The following TRIM9 variants were observed in gnomAD, a reference collection of about 807,000 sequenced individuals.
The protein encoded by TRIM9 is tripartite motif containing 9.
A neutral mutation model predicts 78.3 loss-of-function variants in TRIM9; 26 were observed. The observed-to-expected ratio is 0.33, with a 90% CI of 0.24 to 0.46. TRIM9 has a LOEUF of 0.46. TRIM9 is among the 20% of genes least tolerant of loss of function. The probability of loss-of-function intolerance (pLI) is 1.00; values close to 1 mark genes in which losing one functional copy is unlikely to be tolerated. For missense variants in TRIM9, 787 were observed against 1,036.4 expected, an observed-to-expected ratio of 0.76 and a Z score of 3.30; for synonymous variants, 398 against 416.5, an observed-to-expected ratio of 0.96 and a Z score of 0.54.
intron 3 of TRIM9, among the ~76,000 whole-genome samples, chr14:51,012,082 A>G (rs1398643357): frequency 6.6e-6 from 1 of 152,230 alleles, no homozygotes; most frequent in Non-Finnish European, 1.5e-5. Context: ...TATACACAGC[A>G]TGACATTTTC....
Position 50,979,367 on chromosome 14 carries a change from C to T in TRIM9, c.2325+20G>A, listed in dbSNP as rs2051515234. 4 of 1,614,088 alleles carry T rather than the reference C, an allele frequency of 2.5e-6. No individual in the cohort carries two copies. In the African/African-American group the frequency reaches 5.3e-5, roughly 22 times the overall value. ...CGGTAGCCAGCAACAGCTGTTTAAC[C>T]TCAGGGGCAGGGTGCTTACCTGCAC... On this transcript the variant is annotated intron_variant, in intron 12 of 12. Transcript: ENST00000684578.
intron 1 of TRIM9, among the ~76,000 whole-genome samples, chr14:51,079,784 G>C (rs950535605): frequency 6.6e-6 from 1 of 152,104 alleles, no homozygotes; most frequent in Non-Finnish European, 1.5e-5. Context: ...TGTGGTCAAC[G>C]ACCTAGAGCT....
intron 1 of TRIM9, among the ~76,000 whole-genome samples, chr14:51,032,316 CTG>C (rs1450821344): frequency 6.6e-6 from 1 of 152,206 alleles, no homozygotes; most frequent in African/African-American, 2.4e-5. Context: ...TATTACCTAA[CTG>C]TAGTGAATAC....
In TRIM9 at chr14:51,000,849, A is replaced by T; in HGVS notation, c.1307-9T>A. 6.2e-7 allele frequency: 1 copy of T among 1,613,846 alleles called. No homozygotes were observed. The highest frequency in any genetic ancestry group is 8.5e-7 in the Non-Finnish European group (1 of 1,179,772). On this transcript the variant is annotated splice_polypyrimidine_tract_variant and intron_variant, in intron 5 of 12. Coordinates refer to ENST00000684578, the MANE Select transcript of TRIM9 (RefSeq NM_001387360.1). ...TGGGACTGGAGAGGAAGCTAAACAGAAATTAGTGTAACTCTGGCTTCTGTT... is the reference window on the plus strand; with the variant it reads ...TGGGACTGGAGAGGAAGCTAAACAGTAATTAGTGTAACTCTGGCTTCTGTT...
intron 5 of TRIM9, among the ~76,000 whole-genome samples, chr14:51,001,698 T>G (rs1269345638): frequency 6.6e-6 from 1 of 152,174 alleles, no homozygotes; most frequent in Non-Finnish European, 1.5e-5. Flanking sequence ...CGTAAGTAGC[T>G]ACAACAGTGG....
intron 1 of TRIM9, among the ~76,000 whole-genome samples, chr14:51,068,880 G>A (rs1293501450): frequency 1.3e-5 from 2 of 152,222 alleles, no homozygotes; most frequent in Non-Finnish European, 2.9e-5. Flanking sequence ...GATTTGTTAA[G>A]TGAAGCATTA....
At chr14:51,043,872 C>T (rs1031735513) in intron 1 of TRIM9, among the ~76,000 whole-genome samples, 3 of 151,992 alleles carry the variant, frequency 2.0e-5, no homozygotes, top group Non-Finnish European at 4.4e-5. Context: ...GCTTAAAGCT[C>T]AAGAGGCCAA....
At chr14:51,079,367 C>G (rs528729664) in intron 1 of TRIM9, among the ~76,000 whole-genome samples, 14 of 152,168 alleles carry the variant, frequency 9.2e-5, no homozygotes, top group Non-Finnish European at 1.9e-4. Flanking sequence ...ATAAATTATT[C>G]TTTACTTCCT....
At chr14:50,989,828 GGA>G (rs1433701584) in intron 7 of TRIM9, among the ~76,000 whole-genome samples, 1 of 151,970 alleles carries the variant, frequency 6.6e-6, no homozygotes, top group Non-Finnish European at 1.5e-5. Context: ...GCTCTTTCCT[GGA>G]CTTCTTTCCC....
intron 1 of TRIM9, among the ~76,000 whole-genome samples, chr14:51,042,396 A>C (rs1405215485): frequency 2.0e-5 from 3 of 152,194 alleles, no homozygotes; most frequent in African/African-American, 7.2e-5. Flanking sequence ...CTTAAGAATG[A>C]TTGGCCAAAT....
At chr14:50,983,292 A>G (rs996348101) in intron 9 of TRIM9, 88 bp downstream of exon 9, 29 of 1,120,314 alleles carry the variant, frequency 2.6e-5, no homozygotes, top group Non-Finnish European at 3.4e-5. Flanking sequence ...TTTTATTGAC[A>G]TAAGACAAGT....
intron 6 of TRIM9, among the ~76,000 whole-genome samples, chr14:50,999,050 A>T (rs1162577406): frequency 6.6e-6 from 1 of 152,178 alleles, no homozygotes; most frequent in Non-Finnish European, 1.5e-5. Flanking sequence ...CTTTACGTGC[A>T]TATGAATCAC....
Position 51,048,616 on chromosome 14 carries a change from G to A in TRIM9, c.823-23256C>T, listed in dbSNP as rs375729825. Reference sequence around the variant, plus strand: ...AAAGTGTTACTGTGCTTTCATAGGTGTGTGTCTAGGGTGTCGTGTAATCAA... The same window carrying A: ...AAAGTGTTACTGTGCTTTCATAGGTATGTGTCTAGGGTGTCGTGTAATCAA... On this transcript the variant is annotated intron_variant, in intron 1 of 12. Coordinates refer to ENST00000684578, the MANE Select transcript of TRIM9 (RefSeq NM_001387360.1). Among the ~76,000 whole-genome samples the A allele has an allele frequency of 1.7e-4, 26 of 152,180 alleles. 1 individual carries two copies. The East Asian group carries it at 3.3e-3, about 19-fold the overall frequency.
At chr14:51,045,841 C>T (rs2140022550) in intron 1 of TRIM9, among the ~76,000 whole-genome samples, 1 of 151,732 alleles carries the variant, frequency 6.6e-6, no homozygotes, top group South Asian at 2.1e-4. Flanking sequence ...AATTCAAGTG[C>T]AAAGAAGCAA....
chr14:51,063,817 A>T (rs1290155320), intron 1 of TRIM9, among the ~76,000 whole-genome samples: 1 of 152,178 alleles, frequency 6.6e-6, no homozygotes, highest in African/African-American at 2.4e-5. Flanking sequence ...CAGGAGATTT[A>T]TACTACAGGA....
chr14:51,031,161 A>AG (rs1555340997), intron 1 of TRIM9, among the ~76,000 whole-genome samples: 1 of 150,684 alleles, frequency 6.6e-6, no homozygotes, highest in East Asian at 1.9e-4. Flanking sequence ...AAAAAAAAAA[A>AG]AAAAGAAAGA....
intron 1 of TRIM9, among the ~76,000 whole-genome samples, chr14:51,056,185 C>A (rs2060886021): frequency 6.6e-6 from 1 of 152,114 alleles, no homozygotes; most frequent in Non-Finnish European, 1.5e-5. Flanking sequence ...ATAAGAAATT[C>A]AAATATTCTA....
At chr14:51,050,133 T>G (rs1385561865) in intron 1 of TRIM9, among the ~76,000 whole-genome samples, 6 of 152,216 alleles carry the variant, frequency 3.9e-5, no homozygotes, top group Non-Finnish European at 8.8e-5. Flanking sequence ...TAGGACACCC[T>G]TCTTACAGAA....
chr14:51,041,425 C>T lies in TRIM9; in HGVS notation c.823-16065G>A, dbSNP rs941330409. Among the ~76,000 whole-genome samples the T allele has an allele frequency of 2.0e-5, 3 of 152,238 alleles. No individual in the cohort carries two copies. In the South Asian group the frequency reaches 6.2e-4, roughly 31 times the overall value. ...CTGCTTTGAGCTGCAGCCCACTCTG[C>T]TCCTCGCCCAAGTGTGAGCCCACAG... On this transcript the variant is annotated intron_variant, in intron 1 of 12. Coordinates refer to ENST00000684578, the MANE Select transcript of TRIM9 (RefSeq NM_001387360.1).
Sources: gnomAD v4.1 joint callset for allele counts (sites outside exome capture counted in the v4.1 genomes callset) on GRCh38, gnomAD v4.1.1 for gene constraint, MANE v1.5 for transcripts, NCBI Gene and HGNC (gene_info 2026-07-23, HGNC 2026-07-21) for gene names.